The following PLCB4 variants were observed in gnomAD, a reference collection of about 807,000 sequenced individuals.
PLCB4 encodes the protein 1-phosphatidylinositol 4,5-bisphosphate phosphodiesterase beta-4.
In PLCB4, 77 loss-of-function variants were observed where a neutral mutation model predicts 178.8. The ratio of observed to expected loss-of-function variants is 0.43; its 90% CI spans 0.36 to 0.52. The LOEUF is 0.52. PLCB4 is among the 20% of genes least tolerant of loss of function. The pLI, the probability that PLCB4 is intolerant of heterozygous loss-of-function variation, is 0.00. For missense variants in PLCB4, 1,024 were observed against 1,453.4 expected (o/e 0.70, Z 4.80); for synonymous variants, 496 against 490.8 (o/e 1.01, Z -0.14).
chr20:9,081,800 C>G (rs984040016), intron 1 of PLCB4, among the ~76,000 whole-genome samples: 2 of 122,566 alleles, frequency 1.6e-5, no homozygotes, highest in African/African-American at 6.0e-5. Flanking sequence ...GTTTAGTAAA[C>G]CGAAGCCATC....
At chr20:9,409,346 A>AC (rs1568764018) in intron 24 of PLCB4, among the ~76,000 whole-genome samples, 165 bp downstream of exon 24, 9 of 151,922 alleles carry the variant, frequency 5.9e-5, no homozygotes, top group African/African-American at 1.9e-4. Context: ...AAAAAAAAAA[A>AC]CCAAAATAGA....
chr20:9,119,269 A>G (rs1487943658), intron 2 of PLCB4, among the ~76,000 whole-genome samples: 1 of 152,178 alleles, frequency 6.6e-6, no homozygotes, highest in African/African-American at 2.4e-5. Flanking sequence ...AGCTGTATTG[A>G]GATTCTAAAT....
At chr20:9,341,714 A>G (rs1213643581) in intron 7 of PLCB4, among the ~76,000 whole-genome samples, 3 of 147,454 alleles carry the variant, frequency 2.0e-5, no homozygotes, top group Admixed American at 1.4e-4. Context: ...GTTCAAACCC[A>G]TGTTGTTCCA....
chr20:9,322,283 G>C (rs900586472), intron 4 of PLCB4, among the ~76,000 whole-genome samples: 2 of 151,894 alleles, frequency 1.3e-5, no homozygotes, highest in Non-Finnish European at 2.9e-5. Flanking sequence ...TTTGAGGGGG[G>C]AGAAAAACTA....
intron 36 of PLCB4, 131 bp from the exon 37 acceptor site, chr20:9,472,659 C>T (rs896032338): frequency 2.0e-6 from 1 of 512,650 alleles, no homozygotes; most frequent in African/African-American, 2.0e-5. Flanking sequence ...GAAAATACTG[C>T]AATAACAATT....
intron 2 of PLCB4, among the ~76,000 whole-genome samples, chr20:9,150,720 G>A (rs2092677421): frequency 6.6e-6 from 1 of 152,144 alleles, no homozygotes; most frequent in African/African-American, 2.4e-5. Context: ...TGGCAGAGAA[G>A]TTCTCCTGCC....
chr20:9,100,194 G>A (rs960760451), intron 2 of PLCB4, among the ~76,000 whole-genome samples: 10 of 152,258 alleles, frequency 6.6e-5, no homozygotes, highest in Middle Eastern at 3.4e-3. Context: ...CAGGTCCAGA[G>A]CCACCTGTGG....
At chr20:9,410,374 C>T (rs1191535266) in intron 24 of PLCB4, among the ~76,000 whole-genome samples, 4 of 152,164 alleles carry the variant, frequency 2.6e-5, no homozygotes, top group African/African-American at 9.7e-5. Flanking sequence ...TCAGTGAGTC[C>T]ATAATATGGA....
chr20:9,163,176 A>G (rs999834228), intron 2 of PLCB4, among the ~76,000 whole-genome samples: 4 of 152,168 alleles, frequency 2.6e-5, no homozygotes, highest in African/African-American at 9.7e-5. Flanking sequence ...AAATAATAAG[A>G]AACTAACTAA....
At chr20:9,111,083 C>T (rs1276159320) in intron 2 of PLCB4, among the ~76,000 whole-genome samples, 1 of 152,056 alleles carries the variant, frequency 6.6e-6, no homozygotes, top group Non-Finnish European at 1.5e-5. Context: ...ATGTCATATA[C>T]GTTTGGGAAA....
chr20:9,435,387 T>G (rs1291727762), intron 28 of PLCB4, among the ~76,000 whole-genome samples, 173 bp from the exon 29 acceptor site: 2 of 152,246 alleles, frequency 1.3e-5, no homozygotes, highest in Non-Finnish European at 2.9e-5. Context: ...TTAACTCCTT[T>G]CTTGTTTTCT....
chr20:9,246,767 G>GACTGGATTTGAATAACTGGGATCATATA (rs1273322651), intron 3 of PLCB4, among the ~76,000 whole-genome samples: 11 of 152,146 alleles, frequency 7.2e-5, no homozygotes, highest in Non-Finnish European at 1.6e-4. Context: ...TATTCAATAT[G>GACTGGATTTGAATAACTGGGATCATATA]ACTGGATTTG....
chr20:9,105,840 CTG>C (rs1337546075), intron 2 of PLCB4, among the ~76,000 whole-genome samples: 2 of 151,892 alleles, frequency 1.3e-5, no homozygotes, highest in Non-Finnish European at 1.5e-5. Context: ...ACAAGATAAA[CTG>C]TAAATTTATG....
intron 2 of PLCB4, among the ~76,000 whole-genome samples, chr20:9,154,892 C>T (rs2092756949): frequency 9.4e-6 from 1 of 106,930 alleles, no homozygotes; most frequent in African/African-American, 3.6e-5. Flanking sequence ...TCCTTCCCTC[C>T]TTCCCTCCTT....
rs577226599 is a variant in PLCB4 at position 9,413,762 on chromosome 20, G to A, written c.2051+2674G>A. Among the ~76,000 whole-genome samples, 149 of 151,640 alleles carry A rather than the reference G, an allele frequency of 9.8e-4. 1 individual carries two copies. Among genetic ancestry groups the A allele is most frequent in the African/African-American group, 3.4e-3 (141 of 41,326 alleles). Reference sequence around the variant, plus strand: ...CGTGCAGTGTCTCACTCTCTCCACCGTTATTTATTTTTTCTTAAGACAGGG... The same window carrying A: ...CGTGCAGTGTCTCACTCTCTCCACCATTATTTATTTTTTCTTAAGACAGGG... On this transcript the variant is annotated intron_variant, in intron 25 of 39. Coordinates refer to ENST00000378473, the MANE Select transcript of PLCB4 (RefSeq NM_001377142.1).
intron 2 of PLCB4, among the ~76,000 whole-genome samples, chr20:9,183,213 C>T (rs1364625597): frequency 3.3e-5 from 5 of 152,090 alleles, no homozygotes; most frequent in African/African-American, 1.2e-4. Context: ...TGAAAATGTG[C>T]TGTATTGTTG....
intron 3 of PLCB4, among the ~76,000 whole-genome samples, chr20:9,247,091 T>G (rs2094133896): frequency 6.6e-6 from 1 of 152,208 alleles, no homozygotes; most frequent in African/African-American, 2.4e-5. Context: ...AACATCATAA[T>G]GTGATATTAA....
At position 9,453,438 on chromosome 20, in the gene PLCB4, T is replaced by A; in HGVS notation, c.2972T>A (p.Leu991Gln). 1 of 1,605,634 alleles carries A rather than the reference T, an allele frequency of 6.2e-7. No homozygotes were observed. Among genetic ancestry groups the A allele is most frequent in the Non-Finnish European group, 8.5e-7 (1 of 1,173,068 alleles). ...GAGAAGTCGACTCATGAGAAAATCC[T>A]AGAGAAGGCAATGAAGAAGAAGGGG... ...DKEKSTHEKI[L>Q]EKAMKKKGGS... Residue 991 changes from leucine to glutamine, a missense_variant, in exon 33 of 40, where the codon CTA (leucine) becomes CAA (glutamine). This residue lies in a region of PLCB4 where 264 missense variants were observed against 283.2 expected (regional missense o/e 0.93). Transcript: ENST00000378473.
intron 25 of PLCB4, 29 bp from the exon 26 acceptor site, chr20:9,419,778 A>G (rs1420015028): frequency 2.2e-6 from 3 of 1,383,738 alleles, no homozygotes; most frequent in South Asian, 2.3e-5. Flanking sequence ...AAAACCTACT[A>G]ATAAACTTCT....
Sources: allele counts gnomAD v4.1 joint callset (sites outside exome capture counted in the v4.1 genomes callset), GRCh38; gene constraint gnomAD v4.1.1; regional missense constraint gnomAD v4.1.1; transcripts MANE v1.5; gene names NCBI Gene and HGNC (gene_info 2026-07-23, HGNC 2026-07-21).